The following MYO10 variants were observed in gnomAD, a reference collection of about 807,000 sequenced individuals.
MYO10 encodes unconventional myosin-X.
Under a neutral mutation model 257.3 loss-of-function variants are expected in MYO10, and 133 were observed. That is an observed-to-expected ratio of 0.52 (90% CI 0.45 to 0.60). MYO10 has a LOEUF of 0.60. MYO10 is among the 20% of genes least tolerant of loss of function. MYO10 has a pLI of 0.00. For synonymous variants in MYO10, 1,104 were observed against 1,028.6 expected, an observed-to-expected ratio of 1.07 and a Z score of -1.40; for missense variants, 2,399 against 2,635.7, an observed-to-expected ratio of 0.91 and a Z score of 1.97.
rs372360799 is a variant in MYO10 at position 16,711,169 on chromosome 5, C to T, written c.2006G>A (p.Arg669His). Residue 669 changes from arginine (R) to histidine (H), a missense_variant, in exon 20 of 41, where the codon CGC becomes CAC. By Grantham distance (29) the Arg-to-His change is conservative. This residue lies in a region of MYO10 where 1,820 missense variants were observed against 1,939.4 expected (regional missense o/e 0.94). Transcript: ENST00000513610. ...YSGMLETVRI[R>H]KAGYAVRRPF... is the part of the protein sequence containing the mutation. Reference sequence around the variant, plus strand: ...TCTTCGGACCGCATACCCAGCTTTGCGGATTCTCACAGTCTCCAGCATCCC... The same window carrying T: ...TCTTCGGACCGCATACCCAGCTTTGTGGATTCTCACAGTCTCCAGCATCCC... 8 of 1,613,532 alleles carry T rather than the reference C, an allele frequency of 5.0e-6. No homozygotes were observed. Among genetic ancestry groups the T allele is most frequent in the East Asian group, 2.2e-5 (1 of 44,884 alleles).
At chr5:16,675,939 A>G in intron 34 of MYO10, 92 bp downstream of exon 34, 4 of 1,412,380 alleles carry the variant, frequency 2.8e-6, no homozygotes, top group Non-Finnish European at 3.8e-6. Flanking sequence ...AGTCTTTGAG[A>G]TAAAAACAAA....
chr5:16,755,002 A>C, intron 18 of MYO10, 94 bp from the exon 19 acceptor site: 1 of 743,300 alleles, frequency 1.3e-6, no homozygotes, highest in African/African-American at 1.8e-5. Flanking sequence ...AATTTAAAAA[A>C]CACAATATAA....
intron 2 of MYO10, among the ~76,000 whole-genome samples, chr5:16,855,492 A>G (rs1424741683): frequency 6.6e-6 from 1 of 152,242 alleles, no homozygotes; most frequent in Non-Finnish European, 1.5e-5. Context: ...AATTATAAAT[A>G]CATCTTATAT....
intron 2 of MYO10, among the ~76,000 whole-genome samples, chr5:16,828,351 A>T: frequency 6.6e-6 from 1 of 152,090 alleles, no homozygotes; most frequent in East Asian, 1.9e-4. Context: ...AGAAGGTATA[A>T]TCCCAGCACT....
At chr5:16,807,020 T>C (rs1451791936) in intron 3 of MYO10, among the ~76,000 whole-genome samples, 1 of 152,218 alleles carries the variant, frequency 6.6e-6, no homozygotes, top group Non-Finnish European at 1.5e-5. Context: ...AGATACAATT[T>C]GAAATGCACT....
chr5:16,714,080 G>A (rs1455035649), intron 19 of MYO10, among the ~76,000 whole-genome samples: 1 of 152,140 alleles, frequency 6.6e-6, no homozygotes, highest in African/African-American at 2.4e-5. Flanking sequence ...TTTCAAAAAG[G>A]TGGAAGCTGT....
Position 16,701,608 on chromosome 5 carries a change from C to G in MYO10, c.2787G>C (p.Arg929Ser), listed in dbSNP as rs149110. The change falls in exon 25 of 41, where the codon AGG becomes AGC. Residue 929 changes from arginine to serine, a missense_variant. Transcript: ENST00000513610. This position sits in a 1 kb window ranked among gnomAD's most constrained non-coding sequence, Gnocchi z 8.1. The part of the protein sequence containing the change: ...LQERRDQELR[R>S]LEEEACRAAQ... Reference sequence around the variant, plus strand: ...CCGCCCTGCACGCTTCCTCCTCCAGCCTGCGGAGCTCCTGGTCCCGCCGCT... The same window carrying G: ...CCGCCCTGCACGCTTCCTCCTCCAGGCTGCGGAGCTCCTGGTCCCGCCGCT... 1 of 1,612,700 alleles carries G rather than the reference C, an allele frequency of 6.2e-7. No homozygotes were observed. Among genetic ancestry groups the G allele is most frequent in the East Asian group, 2.2e-5 (1 of 44,850 alleles).
intron 2 of MYO10, among the ~76,000 whole-genome samples, chr5:16,857,807 A>G (rs1744002585): frequency 6.6e-6 from 1 of 152,238 alleles, no homozygotes; most frequent in Non-Finnish European, 1.5e-5. Flanking sequence ...CTGGTTGCAA[A>G]GAGTCCTGGG....
At chr5:16,911,562 T>C (rs188030747) in intron 1 of MYO10, among the ~76,000 whole-genome samples, 1 of 152,146 alleles carries the variant, frequency 6.6e-6, no homozygotes, top group Admixed American at 6.6e-5. Flanking sequence ...TGAAACCTCG[T>C]CTCTACAAAA....
At chr5:16,670,381 A>C (rs1736388819) in intron 39 of MYO10, 145 bp downstream of exon 39, 1 of 631,670 alleles carries the variant, frequency 1.6e-6, no homozygotes, top group South Asian at 2.2e-5. Flanking sequence ...GGAGGCGTTA[A>C]TGGTACAATT....
At chr5:16,748,945 GT>G (rs1740298982) in intron 19 of MYO10, among the ~76,000 whole-genome samples, 1 of 150,516 alleles carries the variant, frequency 6.6e-6, no homozygotes, top group African/African-American at 2.5e-5. Context: ...GAAGACCCCT[GT>G]GTGAGATGGT....
At chr5:16,892,127 A>AAG (rs143220399) in intron 1 of MYO10, among the ~76,000 whole-genome samples, 2,710 of 151,448 alleles carry the variant, frequency 0.018, 83 homozygotes, top group African/African-American at 0.063. Flanking sequence ...CCATGCTACC[A>AAG]AGAGAGAGAG....
At chr5:16,923,937 A>C (rs1258959925) in intron 1 of MYO10, among the ~76,000 whole-genome samples, 1 of 152,116 alleles carries the variant, frequency 6.6e-6, no homozygotes, top group Non-Finnish European at 1.5e-5. Context: ...AAAAAATGTA[A>C]AAATTAGCCA....
intron 1 of MYO10, among the ~76,000 whole-genome samples, chr5:16,879,268 A>G (rs908328928): frequency 1.3e-5 from 2 of 152,062 alleles, no homozygotes; most frequent in Non-Finnish European, 2.9e-5. Context: ...ACCTCATTTC[A>G]TTTATTTCTG....
At chr5:16,781,524 T>C (rs893723495) in intron 6 of MYO10, among the ~76,000 whole-genome samples, 181 bp downstream of exon 6, 4 of 152,342 alleles carry the variant, frequency 2.6e-5, no homozygotes, top group Non-Finnish European at 5.9e-5. Flanking sequence ...ACATGTACCA[T>C]GTCCATCTCA....
At chr5:16,706,254 TATACTC>T (rs1280335003) in intron 21 of MYO10, among the ~76,000 whole-genome samples, 2 of 150,146 alleles carry the variant, frequency 1.3e-5, no homozygotes, top group Non-Finnish European at 2.9e-5. Flanking sequence ...TATATACACA[TATACTC>T]ATATATACAC....
At chr5:16,873,307 C>A (rs1678296452) in intron 2 of MYO10, among the ~76,000 whole-genome samples, 1 of 152,238 alleles carries the variant, frequency 6.6e-6, no homozygotes. Context: ...GACTCCAGGT[C>A]TCACATCCAG....
At position 16,768,673 on chromosome 5, in the gene MYO10, T is replaced by TTC. The variant is rs1176019525; in HGVS notation, c.1060+400_1060+401insGA. Among the ~76,000 whole-genome samples the TTC allele has an allele frequency of 5.5e-4, 71 of 130,016 alleles. 1 individual carries two copies. Among genetic ancestry groups the TTC allele is most frequent in the Non-Finnish European group, 2.9e-4 (18 of 62,292 alleles). 85.3% of individuals were successfully genotyped at this position (130,016 alleles called of 152,430 possible). A position where few individuals can be genotyped will look rare whatever the true frequency, so the allele number is the denominator to read the frequency against. On this transcript the variant is annotated intron_variant, in intron 10 of 40. Coordinates refer to ENST00000513610, the MANE Select transcript of MYO10 (RefSeq NM_012334.3). Reference sequence around the variant, plus strand: ...GAACATTTTCTCTTTTCTTTTTTTTTTTTTTTTTTTTTTTTTGGTGATACA... The same window carrying TTC: ...GAACATTTTCTCTTTTCTTTTTTTTTTCTTTTTTTTTTTTTTTTGGTGATACA...
intron 3 of MYO10, among the ~76,000 whole-genome samples, chr5:16,799,267 C>A (rs1301578201): frequency 1.4e-5 from 2 of 145,654 alleles, no homozygotes; most frequent in African/African-American, 5.0e-5. Flanking sequence ...AGGTAGAAGA[C>A]AAAGTGGCAT....
Sources: allele counts gnomAD v4.1 joint callset (sites outside exome capture counted in the v4.1 genomes callset), GRCh38; gene constraint gnomAD v4.1.1; regional missense constraint gnomAD v4.1.1; non-coding constraint Gnocchi (gnomAD v3.1); transcripts MANE v1.5; gene names NCBI Gene and HGNC (gene_info 2026-07-23, HGNC 2026-07-21).